The following CTNND2 variants were observed in gnomAD, a reference collection of about 807,000 sequenced individuals.
CTNND2 encodes the protein catenin delta-2.
In CTNND2, 22 loss-of-function variants were observed where a neutral mutation model predicts 144.4. The observed-to-expected ratio is 0.15, with a 90% CI of 0.11 to 0.22. The LOEUF (loss-of-function observed/expected upper bound fraction) is 0.22. Ranked by LOEUF, CTNND2 falls within the 10% of genes least tolerant of loss-of-function variation. The probability of loss-of-function intolerance (pLI) is 1.00; values close to 1 mark genes in which losing one functional copy is unlikely to be tolerated. For synonymous variants in CTNND2, 751 were observed against 695.6 expected (o/e 1.08, Z -1.25); for missense variants, 1,353 against 1,618.8 (o/e 0.84, Z 2.82).
At chr5:11,779,488 G>A (rs1790429589) in intron 1 of CTNND2, among the ~76,000 whole-genome samples, 1 of 152,214 alleles carries the variant, frequency 6.6e-6, no homozygotes, top group Admixed American at 6.5e-5. Context: ...GCCTTGCAGA[G>A]AGAGGGTGCC....
At chr5:11,250,497 A>C (rs1354172640) in intron 9 of CTNND2, among the ~76,000 whole-genome samples, 533 of 72,676 alleles carry the variant, frequency 7.3e-3, no homozygotes, top group African/African-American at 0.015. Flanking sequence ...CTCTCTATAT[A>C]TATATATATA....
At chr5:11,181,975 T>C (rs1735069370) in intron 11 of CTNND2, among the ~76,000 whole-genome samples, 1 of 138,562 alleles carries the variant, frequency 7.2e-6, no homozygotes, top group African/African-American at 2.8e-5. Context: ...GTAGTATGTG[T>C]GTGGTGTGTG....
chr5:11,551,980 CT>C (rs1775804998), intron 3 of CTNND2, among the ~76,000 whole-genome samples: 5 of 151,916 alleles, frequency 3.3e-5, no homozygotes, highest in Non-Finnish European at 7.4e-5. Flanking sequence ...AGTGATCCCC[CT>C]GGCCTCAAGT....
chr5:10,984,757 C>T (rs923104842), intron 20 of CTNND2, among the ~76,000 whole-genome samples: 2 of 152,318 alleles, frequency 1.3e-5, no homozygotes, highest in South Asian at 4.1e-4. Flanking sequence ...TGAATCAACA[C>T]ATTGAAGACT....
At chr5:11,439,444 T>C (rs1007254759) in intron 3 of CTNND2, among the ~76,000 whole-genome samples, 2 of 152,190 alleles carry the variant, frequency 1.3e-5, no homozygotes, top group African/African-American at 4.8e-5. Context: ...ACTCCTTTAG[T>C]TTTCTGTTAA....
intron 1 of CTNND2, among the ~76,000 whole-genome samples, chr5:11,832,119 T>TA (rs988991065): frequency 1.7e-4 from 26 of 151,560 alleles, no homozygotes; most frequent in Admixed American, 1.2e-3. Flanking sequence ...CCGTCTCCAC[T>TA]AAAAAATACA....
chr5:11,147,660 GAAA>G (rs3995574), intron 12 of CTNND2, among the ~76,000 whole-genome samples: 1 of 139,418 alleles, frequency 7.2e-6, no homozygotes, highest in African/African-American at 2.7e-5. Flanking sequence ...TTCAGCAGTT[GAAA>G]AAAAAAAAAA....
intron 2 of CTNND2, among the ~76,000 whole-genome samples, chr5:11,589,282 AACACACACACAC>A (rs34009518): frequency 2.7e-5 from 4 of 146,716 alleles, no homozygotes; most frequent in Non-Finnish European, 4.5e-5. Flanking sequence ...TTAACATTAA[AACACACACACAC>A]ACACACACAC....
chr5:11,079,138 AC>A (rs920999318), intron 16 of CTNND2, among the ~76,000 whole-genome samples: 5 of 124,316 alleles, frequency 4.0e-5, no homozygotes, highest in African/African-American at 1.9e-4. Flanking sequence ...GGGAAAAAGA[AC>A]CATGTAACTA....
At chr5:11,249,418 TTC>T (rs1025676978) in intron 9 of CTNND2, among the ~76,000 whole-genome samples, 6 of 152,158 alleles carry the variant, frequency 3.9e-5, no homozygotes, top group Non-Finnish European at 7.3e-5. Flanking sequence ...CTTGGGAAGA[TTC>T]AAAGGAGCAA....
At chr5:11,093,053 T>C (rs1026348509) in intron 15 of CTNND2, among the ~76,000 whole-genome samples, 1 of 152,242 alleles carries the variant, frequency 6.6e-6, no homozygotes, top group African/African-American at 2.4e-5. Context: ...TCCATGTTGC[T>C]ATTACGTTAG....
intron 9 of CTNND2, among the ~76,000 whole-genome samples, chr5:11,345,229 G>A (rs749965275): frequency 1.3e-5 from 2 of 152,154 alleles, no homozygotes; most frequent in Non-Finnish European, 2.9e-5. Context: ...ACTATAAAGA[G>A]TGCTGTTGAG....
At chr5:11,484,319 A>T (rs3916761) in intron 3 of CTNND2, among the ~76,000 whole-genome samples, 21,155 of 152,206 alleles carry the variant, frequency 0.14, 1,551 homozygotes, top group Middle Eastern at 0.28. Flanking sequence ...TTGGCTCCGA[A>T]TCTGCCCTCT....
chr5:11,886,958 T>C (rs1306446412), intron 1 of CTNND2, among the ~76,000 whole-genome samples: 2 of 151,042 alleles, frequency 1.3e-5, no homozygotes, highest in Non-Finnish European at 3.0e-5. Flanking sequence ...TCAAATAAGA[T>C]GTTTTCTATC....
intron 12 of CTNND2, among the ~76,000 whole-genome samples, chr5:11,144,934 C>T (rs771014806): frequency 1.8e-4 from 28 of 152,180 alleles, no homozygotes; most frequent in Non-Finnish European, 3.4e-4. Flanking sequence ...TACAATTGCA[C>T]GATGGCTGCC....
rs61757511 is a variant in CTNND2 at position 11,497,850 on chromosome 5, G to A, written c.287+67094C>T. On this transcript the variant is annotated intron_variant, in intron 3 of 21. Coordinates refer to ENST00000304623, the MANE Select transcript of CTNND2 (RefSeq NM_001332.4). ...TCCCCACCCCACTGCCATGGAATAG[G>A]CTTTGTGTCCCACTGACTATGGACT... Among the ~76,000 whole-genome samples, 575 of 152,180 alleles carry A rather than the reference G, an allele frequency of 3.8e-3. 4 individuals are homozygous for A. The highest frequency in any genetic ancestry group is 0.013 in the African/African-American group (537 of 41,530).
intron 16 of CTNND2, among the ~76,000 whole-genome samples, chr5:11,030,459 G>A (rs2108887): frequency 0.5 from 70,582 of 142,130 alleles, 17,400 homozygotes; most frequent in African/African-American, 0.65. Flanking sequence ...TCCAAAGTCA[G>A]TAATTTAAAT....
intron 2 of CTNND2, among the ~76,000 whole-genome samples, chr5:11,624,165 T>C (rs1426810950): frequency 2.6e-5 from 4 of 152,058 alleles, no homozygotes; most frequent in Admixed American, 1.3e-4. Context: ...TATTTCTGTG[T>C]TAGAAAGAAC....
chr5:11,278,359 C>T (rs770962524), intron 9 of CTNND2, among the ~76,000 whole-genome samples: 5 of 152,134 alleles, frequency 3.3e-5, no homozygotes, highest in Non-Finnish European at 5.9e-5. Context: ...AACAAATATT[C>T]ATGGAGCACC....
Sources: allele counts gnomAD v4.1 joint callset (sites outside exome capture counted in the v4.1 genomes callset), GRCh38; gene constraint gnomAD v4.1.1; transcripts MANE v1.5; gene names NCBI Gene and HGNC (gene_info 2026-07-23, HGNC 2026-07-21).